CCDC87: variants seen among roughly 807,000 people sequenced by gnomAD.
CCDC87 encodes the protein coiled-coil domain containing 87.
For synonymous variants in CCDC87, 434 were observed against 440.2 expected (o/e 0.99, Z 0.18); for missense variants, 1,072 against 1,041.7 (o/e 1.03, Z -0.40).
chr11:66,592,258 T>A lies in CCDC87; in HGVS notation c.758A>T (p.Lys253Met), dbSNP rs1488345353. The A allele has an allele frequency of 8.1e-6, 13 of 1,614,054 alleles. No homozygotes were observed. The East Asian group carries it at 2.9e-4, about 36-fold the overall frequency. ...TTTCCTCTTCAACCGAGGGATGGAC[T>A]TCAATTCCTTCACTGGATCCATCCT... ...PGRMDPVKEL[K>M]SIPRLKRKKP... is the part of the protein sequence containing the mutation. The change falls in exon 1 of 1, where the codon AAG becomes ATG. Residue 253 changes from lysine (K) to methionine (M), a missense_variant. Transcript: ENST00000333861.
Position 66,592,950 on chromosome 11 carries a change from C to A in CCDC87, c.66G>T (p.Leu22=). The A allele has an allele frequency of 6.6e-7, 1 of 1,518,088 alleles. No homozygotes were observed. The highest frequency in any genetic ancestry group is 8.8e-7 in the Non-Finnish European group (1 of 1,135,832). The allele number at this position is 1,518,088 out of a possible 1,614,324, so 94.0% of individuals were successfully genotyped here. A position where few individuals can be genotyped will look rare whatever the true frequency, so the allele number is the denominator to read the frequency against. Reference sequence around the variant, plus strand: ...ACGTCGTCCTAGTGGGGAAGAGCGACAGCGGACGCAGCAGCCGGTGGTAAA... The same window carrying A: ...ACGTCGTCCTAGTGGGGAAGAGCGAAAGCGGACGCAGCAGCCGGTGGTAAA... ...QRFYHRLLRP[L]SLFPTRTTSP... Residue 22 remains leucine, a synonymous_variant, in exon 1 of 1, where the codon CTG becomes CTT. Coordinates refer to ENST00000333861, the MANE Select transcript of CCDC87 (RefSeq NM_018219.3).
chr11:66,592,284 T>C lies in CCDC87; in HGVS notation c.732A>G (p.Gly244=). The C allele has an allele frequency of 6.2e-7, 1 of 1,614,230 alleles. No homozygotes were observed. ...SRPPEFLNEP[G]RMDPVKELKS... Reference sequence around the variant, plus strand: ...TCAATTCCTTCACTGGATCCATCCTTCCTGGCTCATTGAGAAACTCTGGTG... The same window carrying C: ...TCAATTCCTTCACTGGATCCATCCTCCCTGGCTCATTGAGAAACTCTGGTG... Residue 244 remains glycine, a synonymous_variant, in exon 1 of 1, where the codon GGA becomes GGG. Coordinates refer to ENST00000333861, the MANE Select transcript of CCDC87 (RefSeq NM_018219.3).
rs1311768538 is a variant in CCDC87, at chr11:66,591,452, C to T, written c.1564G>A (p.Asp522Asn). 3.7e-6 allele frequency: 6 copies of T among 1,614,200 alleles called. No homozygotes were observed. In the East Asian group the frequency reaches 1.3e-4, roughly 36 times the overall value. Residue 522 changes from aspartate (D) to asparagine (N), a missense_variant, in exon 1 of 1, where the codon GAC (aspartate) becomes AAC (asparagine). Physicochemically the swap from Asp to Asn is conservative, Grantham distance 23 (BLOSUM62 1). Coordinates refer to ENST00000333861, the MANE Select transcript of CCDC87 (RefSeq NM_018219.3). The part of the protein sequence containing the change: ...GPLVEPAADK[D>N]WSTFLSSAFL... ...GCTGAGGACAGGAAGGTCGACCAGT[C>T]TTTATCTGCTGCAGGCTCAACTAGG...
Position 66,591,567 on chromosome 11 carries a change from A to C in CCDC87, c.1449T>G (p.Ile483Met). Reference protein sequence around the residue: ...LDPKAIEKMDIDNFVGSTTRE... With the variant: ...LDPKAIEKMDMDNFVGSTTRE... ...TGGTAGTACTGCCAACAAAGTTATC[A>C]ATATCCATTTTTTCAATGGCTTTGG... The change falls in exon 1 of 1, where the codon ATT (isoleucine) becomes ATG (methionine). Residue 483 changes from isoleucine (I) to methionine (M), a missense_variant. Physicochemically the swap from Ile to Met is conservative, Grantham distance 10 (BLOSUM62 1). Coordinates refer to ENST00000333861, the MANE Select transcript of CCDC87 (RefSeq NM_018219.3). 1 of 1,614,158 alleles carries C rather than the reference A, an allele frequency of 6.2e-7. No homozygotes were observed. Among genetic ancestry groups the C allele is most frequent in the Non-Finnish European group, 8.5e-7 (1 of 1,180,042 alleles).
In CCDC87 at chr11:66,590,662, G is replaced by A; in HGVS notation, c.2354C>T (p.Ser785Phe). The A allele has an allele frequency of 6.2e-7, 1 of 1,614,062 alleles. No individual in the cohort carries two copies. Among genetic ancestry groups the A allele is most frequent in the East Asian group, 2.2e-5 (1 of 44,890 alleles). ...KLNLMESSLVSLLEEIELIFG... is the reference protein window; with the variant it reads ...KLNLMESSLVFLLEEIELIFG... ...GATTAACTCTATCTCCTCCAGGAGG[G>A]AAACCAAAGAAGACTCCATTAAGTT... Residue 785 changes from serine (S) to phenylalanine (F), a missense_variant, in exon 1 of 1, where the codon TCC becomes TTC. Physicochemically the swap from Ser to Phe is radical, Grantham distance 155. Coordinates refer to ENST00000333861, the MANE Select transcript of CCDC87 (RefSeq NM_018219.3).
chr11:66,591,422 G>A lies in CCDC87; in HGVS notation c.1594C>T (p.Leu532=). The A allele has an allele frequency of 1.9e-6, 3 of 1,614,148 alleles. No individual in the cohort carries two copies. The South Asian group carries it at 3.3e-5, about 18-fold the overall frequency. ...DWSTFLSSAF[L]RQEKQPQIIN... ...ATTTGAGGCTGTTTTTCTTGACGTA[G>A]AAAGGCTGAGGACAGGAAGGTCGAC... The change falls in exon 1 of 1, where the codon CTA becomes TTA. Residue 532 remains leucine (L), a synonymous_variant. Transcript: ENST00000333861.
Position 66,590,510 on chromosome 11 carries a change from G to T in CCDC87, c.2506C>A (p.Pro836Thr), listed in dbSNP as rs1436691326. ...CTCCTGAACAGGGTTGACTGGTGGG[G>T]ATCCTTCAGGGCCGAGACCAGGTGG... ...VRHLVSALKD[P>T]HQSTLFRSSA... Residue 836 changes from proline to threonine, a missense_variant, in exon 1 of 1, where the codon CCC (proline) becomes ACC (threonine). Coordinates refer to ENST00000333861, the MANE Select transcript of CCDC87 (RefSeq NM_018219.3). The T allele has an allele frequency of 1.9e-6, 3 of 1,613,794 alleles. No individual in the cohort carries two copies. The African/African-American group carries it at 4.0e-5, about 22-fold the overall frequency.
chr11:66,591,108 G>A lies in CCDC87; in HGVS notation c.1908C>T (p.His636=), dbSNP rs750559747. ...APARESLEIQ[H]PPPLLEDEEP... ...CTTCATCTTCTAGCAATGGGGGAGGGTGCTGAATCTCTAGGGACTCTCTGG... is the reference window on the plus strand; with the variant it reads ...CTTCATCTTCTAGCAATGGGGGAGGATGCTGAATCTCTAGGGACTCTCTGG... Residue 636 remains histidine (H), a synonymous_variant, in exon 1 of 1, where the codon CAC becomes CAT. Transcript: ENST00000333861. 7.7e-5 allele frequency: 124 copies of A among 1,614,032 alleles called. 1 individual carries two copies. In the Admixed American group the frequency reaches 1.9e-3, roughly 25 times the overall value.
Position 66,591,253 on chromosome 11 carries a change from C to T in CCDC87, c.1763G>A (p.Trp588Ter). The T allele has an allele frequency of 6.2e-7, 1 of 1,614,216 alleles. No homozygotes were observed. Among genetic ancestry groups the T allele is most frequent in the Non-Finnish European group, 8.5e-7 (1 of 1,180,050 alleles). Residue 588 changes from tryptophan to a stop codon, truncating the protein, a stop_gained, in exon 1 of 1, where the codon TGG (tryptophan) becomes TAG (stop). Transcript: ENST00000333861. LOFTEE classifies it low-confidence loss of function (END_TRUNC). ...GTCATCCACAGACAAGGTGGTTTTC[C>T]ATGAGTTCATCAAGGAGGCCTTGTT... Reference protein sequence around the residue: ...WSNKASLMNSWKTTLSVDDYF... With the variant: ...WSNKASLMNS
chr11:66,591,450 G>A lies in CCDC87; in HGVS notation c.1566C>T (p.Asp522=). The A allele has an allele frequency of 1.2e-6, 2 of 1,614,164 alleles. No individual in the cohort carries two copies. Among genetic ancestry groups the A allele is most frequent in the African/African-American group, 1.3e-5 (1 of 75,026 alleles). Reference sequence around the variant, plus strand: ...AGGCTGAGGACAGGAAGGTCGACCAGTCTTTATCTGCTGCAGGCTCAACTA... The same window carrying A: ...AGGCTGAGGACAGGAAGGTCGACCAATCTTTATCTGCTGCAGGCTCAACTA... The part of the protein sequence containing the change: ...GPLVEPAADK[D]WSTFLSSAFL... The change falls in exon 1 of 1, where the codon GAC becomes GAT. Residue 522 remains aspartate (D), a synonymous_variant. Transcript: ENST00000333861.
rs780473418 is a variant in CCDC87 at position 66,591,688 on chromosome 11, G to A, written c.1328C>T (p.Ala443Val). ...TCTATCAGAGACCCGTACGGCAGCCGCCTGGACCACGACCTCATTTCTAAG... is the reference window on the plus strand; with the variant it reads ...TCTATCAGAGACCCGTACGGCAGCCACCTGGACCACGACCTCATTTCTAAG... ...LKLRNEVVVQ[A>V]AAVRVSDRNF... Residue 443 changes from alanine (A) to valine (V), a missense_variant, in exon 1 of 1, where the codon GCG becomes GTG. Transcript: ENST00000333861. The A allele has an allele frequency of 8.7e-6, 14 of 1,613,474 alleles. No homozygotes were observed. The East Asian group carries it at 1.1e-4, about 13-fold the overall frequency.
rs768068768 is a variant in CCDC87, at chr11:66,592,806, C to T, written c.210G>A (p.Gly70=). 5.6e-6 allele frequency: 9 copies of T among 1,600,608 alleles called. No homozygotes were observed. The highest frequency in any genetic ancestry group is 7.7e-6 in the Non-Finnish European group (9 of 1,172,502). The change falls in exon 1 of 1, where the codon GGG becomes GGA. Residue 70 remains glycine (G), a synonymous_variant. Transcript: ENST00000333861. ...SQVAKLLAGS[G]IAAGVPPEAR... is the part of the protein sequence containing the mutation. ...CCTCAGGAGGCACTCCCGCTGCTAT[C>T]CCGCTGCCGGCCAGCAGCTTGGCCA... is the stretch of plus-strand genomic sequence containing the variant.
chr11:66,592,813 C>T lies in CCDC87; in HGVS notation c.203G>A (p.Gly68Asp). 1 of 1,598,218 alleles carries T rather than the reference C, an allele frequency of 6.3e-7. No individual in the cohort carries two copies. Among genetic ancestry groups the T allele is most frequent in the Non-Finnish European group, 8.5e-7 (1 of 1,171,018 alleles). ...LCSQVAKLLA[G>D]SGIAAGVPPE... is the part of the protein sequence containing the mutation. ...AGGCACTCCCGCTGCTATCCCGCTG[C>T]CGGCCAGCAGCTTGGCCACCTGGCT... Residue 68 changes from glycine (G) to aspartate (D), a missense_variant, in exon 1 of 1, where the codon GGC (glycine) becomes GAC (aspartate). Transcript: ENST00000333861.
Position 66,591,003 on chromosome 11 carries a change from C to T in CCDC87, c.2013G>A (p.Leu671=), listed in dbSNP as rs1039044056. 3 of 1,613,966 alleles carry T rather than the reference C, an allele frequency of 1.9e-6. No individual in the cohort carries two copies. The highest frequency in any genetic ancestry group is 2.5e-6 in the Non-Finnish European group (3 of 1,180,042). The part of the protein sequence containing the change: ...HRLGAGKTPH[L]GEPHKILSLQ... ...GGCTCAGAATTTTGTGGGGTTCTCC[C>T]AGGTGGGGTGTCTTCCCAGCTCCTA... Residue 671 remains leucine, a synonymous_variant, in exon 1 of 1, where the codon CTG becomes CTA. Coordinates refer to ENST00000333861, the MANE Select transcript of CCDC87 (RefSeq NM_018219.3).
rs1426059479 is a variant in CCDC87, at chr11:66,592,615, A to G, written c.401T>C (p.Leu134Pro). ...CCTGGGAGTCGACATGGTCACCAGC[A>G]GGTGCAGGTAGCGCAAGAAGAGCTG... ...SEQLFLRYLH[L>P]LVTMSTPRGV... Residue 134 changes from leucine (L) to proline (P), a missense_variant, in exon 1 of 1, where the codon CTG becomes CCG. Coordinates refer to ENST00000333861, the MANE Select transcript of CCDC87 (RefSeq NM_018219.3). The G allele has an allele frequency of 6.2e-7, 1 of 1,613,728 alleles. No homozygotes were observed.
chr11:66,592,698 G>A lies in CCDC87; in HGVS notation c.318C>T (p.His106=). The change falls in exon 1 of 1, where the codon CAC becomes CAT. Residue 106 remains histidine, a synonymous_variant. Transcript: ENST00000333861. ...GCTTCCGCAGCTTCTGGTTGTTTTT[G>A]TGGCTCAGACTAAGTTCGGCGGGCG... ...REPPAELSLS[H]KNNQKLRKRL... The A allele has an allele frequency of 6.2e-7, 1 of 1,614,176 alleles. No homozygotes were observed. The highest frequency in any genetic ancestry group is 1.1e-5 in the South Asian group (1 of 91,092).
Position 66,591,713 on chromosome 11 carries a change from G to A in CCDC87, c.1303C>T (p.Leu435Phe). 2 of 1,613,742 alleles carry A rather than the reference G, an allele frequency of 1.2e-6. No individual in the cohort carries two copies. The highest frequency in any genetic ancestry group is 1.7e-6 in the Non-Finnish European group (2 of 1,180,012). Residue 435 changes from leucine (L) to phenylalanine (F), a missense_variant, in exon 1 of 1, where the codon CTT (leucine) becomes TTT (phenylalanine). Physicochemically the swap from Leu to Phe is conservative, Grantham distance 22. Transcript: ENST00000333861. ...HPQPVTITLK[L>F]RNEVVVQAAA... Reference sequence around the variant, plus strand: ...GCCTGGACCACGACCTCATTTCTAAGCTTCAAAGTAATGGTCACTGGCTGT... The same window carrying A: ...GCCTGGACCACGACCTCATTTCTAAACTTCAAAGTAATGGTCACTGGCTGT...
At position 66,593,058 on chromosome 11, in the gene CCDC87, G is replaced by C. The variant is rs1345721125; in HGVS notation, c.-43C>G. The C allele has an allele frequency of 4.7e-6, 7 of 1,495,732 alleles. No individual in the cohort carries two copies. The highest frequency in any genetic ancestry group is 2.3e-5 in the East Asian group (1 of 43,088). 92.7% of individuals were successfully genotyped at this position (1,495,732 alleles called of 1,614,324 possible). A position where few individuals can be genotyped will look rare whatever the true frequency, so the allele number is the denominator to read the frequency against. On this transcript the variant is annotated 5_prime_UTR_variant, in exon 1 of 1. Coordinates refer to ENST00000333861, the MANE Select transcript of CCDC87 (RefSeq NM_018219.3). ...CCGTCCAGGAACAGAAAGCCGAGGGGTTACTAAGGCAACCAGGAGCCCGAC... is the reference window on the plus strand; with the variant it reads ...CCGTCCAGGAACAGAAAGCCGAGGGCTTACTAAGGCAACCAGGAGCCCGAC...
chr11:66,591,342 G>A lies in CCDC87; in HGVS notation c.1674C>T (p.Ser558=), dbSNP rs142607810. 37 of 1,614,042 alleles carry A rather than the reference G, an allele frequency of 2.3e-5. No individual in the cohort carries two copies. Among genetic ancestry groups the A allele is most frequent in the Non-Finnish European group, 3.0e-5 (35 of 1,180,044 alleles). The change falls in exon 1 of 1, where the codon TCC becomes TCT. Residue 558 remains serine, a synonymous_variant. Transcript: ENST00000333861. ...LYSQRANTLQ[S]NTKKMPSLPS... ...GGAGGGAGGGCATCTTCTTAGTATTGGACTGTAAAGTGTTTGCTCTCTGGG... is the reference window on the plus strand; with the variant it reads ...GGAGGGAGGGCATCTTCTTAGTATTAGACTGTAAAGTGTTTGCTCTCTGGG...
Sources: allele counts gnomAD v4.1 joint callset, GRCh38; gene constraint gnomAD v4.1.1; transcripts MANE v1.5; gene names NCBI Gene and HGNC (gene_info 2026-07-23, HGNC 2026-07-21).